Variants in VPS13C observed in about 807,000 individuals in gnomAD.
The protein encoded by VPS13C is intermembrane lipid transfer protein VPS13C.
In VPS13C, 358 loss-of-function variants were observed where a neutral mutation model predicts 456.8. The ratio of observed to expected loss-of-function variants is 0.78; its 90% CI spans 0.72 to 0.86. The LOEUF (loss-of-function observed/expected upper bound fraction) is 0.86, where lower values mean the gene tolerates loss of function less well. Among genes scored for constraint, VPS13C ranks in the 40% least tolerant of loss-of-function variants. The probability of loss-of-function intolerance (pLI) is 0.00; values close to 1 mark genes in which losing one functional copy is unlikely to be tolerated. For synonymous variants in VPS13C, 1,578 were observed against 1,486.7 expected (o/e 1.06, Z -1.41); for missense variants, 4,818 against 4,385.4 (o/e 1.10, Z -2.79).
intron 51 of VPS13C, among the ~76,000 whole-genome samples, chr15:61,928,655 G>A (rs868800938): frequency 9.9e-5 from 15 of 152,166 alleles, no homozygotes; most frequent in South Asian, 4.2e-4. Flanking sequence ...AGAGGCGGGC[G>A]GATTGCTTGA....
At chr15:61,938,492 G>T (rs548488126) in intron 47 of VPS13C, among the ~76,000 whole-genome samples, 1 of 152,276 alleles carries the variant, frequency 6.6e-6, no homozygotes, top group African/African-American at 2.4e-5. Flanking sequence ...TATGACCAAA[G>T]GGGGGTGTTT....
At chr15:61,991,171 A>G in intron 17 of VPS13C, 77 bp from the exon 18 acceptor site, 2 of 1,103,862 alleles carry the variant, frequency 1.8e-6, no homozygotes, top group South Asian at 1.4e-5. Flanking sequence ...CCAAACTAAC[A>G]AGTATCCTAA....
intron 81 of VPS13C, among the ~76,000 whole-genome samples, chr15:61,868,104 A>G (rs1247478656): frequency 1.3e-5 from 2 of 152,106 alleles, no homozygotes; most frequent in African/African-American, 4.8e-5. Flanking sequence ...TTTTGGGGGA[A>G]AGCCTGTCAT....
chr15:61,868,863 A>G (rs1566957449), intron 80 of VPS13C, 90 bp from the exon 81 acceptor site: 21 of 1,042,628 alleles, frequency 2.0e-5, no homozygotes, highest in Non-Finnish European at 2.6e-5. Context: ...ATATTTCACA[A>G]AAAACAATCA....
chr15:61,928,706 C>G (rs2043952067), intron 51 of VPS13C, among the ~76,000 whole-genome samples: 1 of 151,794 alleles, frequency 6.6e-6, no homozygotes, highest in African/African-American at 2.4e-5. Flanking sequence ...ATGGCGAAGC[C>G]CCATGTTTAC....
In VPS13C at chr15:61,890,386, C is replaced by G. The variant is rs1596296905; in HGVS notation, c.9120G>C (p.Gln3040His). 1 of 1,613,934 alleles carries G rather than the reference C, an allele frequency of 6.2e-7. No individual in the cohort carries two copies. The highest frequency in any genetic ancestry group is 8.5e-7 in the Non-Finnish European group (1 of 1,179,904). Residue 3040 changes from glutamine to histidine, a missense_variant, in exon 67 of 85, where the codon CAG becomes CAC. Gln to His is a conservative substitution (Grantham distance 24). Coordinates refer to ENST00000644861, the MANE Select transcript of VPS13C (RefSeq NM_020821.3). ...EHDLLKDGCG[Q>H]FPYDANIQIH... Reference sequence around the variant, plus strand: ...TCTGGATGTTTGCATCATATGGAAACTGTCCACATCCATCCTGGGAAGAAG... The same window carrying G: ...TCTGGATGTTTGCATCATATGGAAAGTGTCCACATCCATCCTGGGAAGAAG...
chr15:62,032,790 T>C (rs369208561), intron 5 of VPS13C, among the ~76,000 whole-genome samples: 14 of 151,890 alleles, frequency 9.2e-5, no homozygotes, highest in African/African-American at 3.4e-4. Context: ...CAATTGTTGA[T>C]TGAGATAAAC....
chr15:61,862,156 G>A (rs1033620451), intron 82 of VPS13C, among the ~76,000 whole-genome samples: 9 of 149,996 alleles, frequency 6.0e-5, no homozygotes, highest in African/African-American at 2.2e-4. Context: ...AAGAGAAAAA[G>A]TAAAGGAAAA....
At chr15:62,043,555 A>G (rs1377436523) in intron 2 of VPS13C, among the ~76,000 whole-genome samples, 3 of 152,194 alleles carry the variant, frequency 2.0e-5, no homozygotes, top group Non-Finnish European at 2.9e-5. Flanking sequence ...GCAGTGAGCC[A>G]AGATCATGCC....
chr15:61,904,258 A>G (rs995655877), intron 66 of VPS13C, among the ~76,000 whole-genome samples: 1 of 151,924 alleles, frequency 6.6e-6, no homozygotes, highest in African/African-American at 2.4e-5. Context: ...AGAAAATATA[A>G]GGAACTCAAA....
intron 67 of VPS13C, among the ~76,000 whole-genome samples, chr15:61,889,861 T>C (rs985404793): frequency 4.6e-5 from 7 of 151,442 alleles, no homozygotes; most frequent in African/African-American, 1.7e-4. Context: ...CTCAGTATTT[T>C]TGTAACTCAT....
chr15:62,037,255 ATATATATTATATTATATAATATAT>A, intron 3 of VPS13C, among the ~76,000 whole-genome samples: 1 of 25,802 alleles, frequency 3.9e-5, no homozygotes, highest in African/African-American at 1.6e-4. Flanking sequence ...TAATATATTT[ATATATATTATATTATATAATATAT>A]TATATATATT....
intron 1 of VPS13C, among the ~76,000 whole-genome samples, chr15:62,047,609 A>T (rs1173459085): frequency 6.6e-6 from 1 of 152,182 alleles, no homozygotes; most frequent in Non-Finnish European, 1.5e-5. Context: ...TCTAATACAA[A>T]GAATAGGGGA....
chr15:62,025,927 C>T (rs12903649), intron 6 of VPS13C, among the ~76,000 whole-genome samples: 65,060 of 149,632 alleles, frequency 0.43, 15,463 homozygotes, highest in Admixed American at 0.56. Context: ...TAATAACATA[C>T]AGTTATAAAA....
intron 18 of VPS13C, among the ~76,000 whole-genome samples, chr15:61,989,711 C>T (rs1191351981): frequency 6.6e-6 from 1 of 152,132 alleles, no homozygotes; most frequent in Non-Finnish European, 1.5e-5. Flanking sequence ...CGTAATATTA[C>T]AATTACTTTT....
intron 24 of VPS13C, 62 bp downstream of exon 24, chr15:61,977,020 G>A: frequency 8.6e-7 from 1 of 1,158,358 alleles, no homozygotes; most frequent in Non-Finnish European, 1.3e-6. Context: ...TTAAATTCTA[G>A]CAACTGATGC....
intron 61 of VPS13C, among the ~76,000 whole-genome samples, chr15:61,914,686 G>A (rs996301310): frequency 3.3e-5 from 5 of 150,914 alleles, no homozygotes; most frequent in Non-Finnish European, 5.9e-5. Context: ...TCAGCCACCC[G>A]AGTAGCTGAG....
At chr15:61,940,530 G>T in intron 47 of VPS13C, 117 bp downstream of exon 47, 2 of 1,012,592 alleles carry the variant, frequency 2.0e-6, no homozygotes. Context: ...GAGAAAACTG[G>T]TTTAGCTTTA....
At chr15:61,993,541 G>C (rs2046289191) in intron 16 of VPS13C, among the ~76,000 whole-genome samples, 1 of 152,004 alleles carries the variant, frequency 6.6e-6, no homozygotes, top group Admixed American at 6.6e-5. Context: ...GCCATTATTA[G>C]CATTAGCGTT....
Sources: allele counts gnomAD v4.1 joint callset (sites outside exome capture counted in the v4.1 genomes callset), GRCh38; gene constraint gnomAD v4.1.1; transcripts MANE v1.5; gene names NCBI Gene and HGNC (gene_info 2026-07-23, HGNC 2026-07-21).